The following AKAP6 variants were observed in gnomAD, a reference collection of about 807,000 sequenced individuals.
AKAP6 encodes the protein A-kinase anchor protein 6.
Under a neutral mutation model 188.5 loss-of-function variants are expected in AKAP6, and 58 were observed. That is an observed-to-expected ratio of 0.31 (90% CI 0.25 to 0.38). The LOEUF (loss-of-function observed/expected upper bound fraction) is 0.38. AKAP6 is among the 10% of genes least tolerant of loss of function. The pLI is 1.00. For missense variants in AKAP6, 2,710 were observed against 2,740.0 expected, an observed-to-expected ratio of 0.99 and a Z score of 0.24; for synonymous variants, 989 against 998.6, an observed-to-expected ratio of 0.99 and a Z score of 0.18.
chr14:32,628,087 A>G (rs1887101260), intron 7 of AKAP6: 1 of 152,110 alleles, frequency 6.6e-6, no homozygotes, highest in Admixed American at 6.6e-5. Context: ...AAGAATGGAG[A>G]TAACAGAAGT....
chr14:32,564,202 A>G (rs140883711), intron 4 of AKAP6, among the ~76,000 whole-genome samples: 2 of 152,370 alleles, frequency 1.3e-5, no homozygotes, highest in Admixed American at 1.3e-4. Context: ...ATACATGTTT[A>G]GTACAGATGT....
At chr14:32,797,641 G>A (rs552401514) in intron 12 of AKAP6, among the ~76,000 whole-genome samples, 221 of 151,802 alleles carry the variant, frequency 1.5e-3, no homozygotes, top group African/African-American at 5.1e-3. Flanking sequence ...AGAGGAGAGG[G>A]AGAGCATCAG....
chr14:32,618,793 A>G (rs916826288), intron 7 of AKAP6, among the ~76,000 whole-genome samples: 3 of 152,206 alleles, frequency 2.0e-5, no homozygotes, highest in Non-Finnish European at 2.9e-5. Flanking sequence ...CAGGGATTGT[A>G]CTAAATTACA....
intron 1 of AKAP6, among the ~76,000 whole-genome samples, chr14:32,390,778 G>A (rs1888687355): frequency 6.6e-6 from 1 of 152,110 alleles, no homozygotes; most frequent in Non-Finnish European, 1.5e-5. Context: ...GCAATGTGTT[G>A]CCTTCAGGGG....
chr14:32,571,176 G>A (rs1297811925), intron 4 of AKAP6, among the ~76,000 whole-genome samples: 1 of 151,944 alleles, frequency 6.6e-6, no homozygotes, highest in Non-Finnish European at 1.5e-5. Flanking sequence ...GTCCAGATGA[G>A]AGCATAATAG....
intron 2 of AKAP6, among the ~76,000 whole-genome samples, chr14:32,444,054 C>T (rs1289451873): frequency 1.3e-5 from 2 of 152,030 alleles, no homozygotes; most frequent in Non-Finnish European, 2.9e-5. Context: ...TATGAAAGAC[C>T]ACAAAAATTT....
Position 32,773,760 on chromosome 14 carries a change from A to G in AKAP6, c.3455A>G (p.Glu1152Gly). Residue 1152 changes from glutamate to glycine, a missense_variant, in exon 12 of 14, where the codon GAG becomes GGG. By Grantham distance (98) the Glu-to-Gly change is moderately conservative. Around this residue, in one of 2 missense-constraint regions of AKAP6, gnomAD observed 2,473 missense variants for 2,426.1 expected, o/e 1.02. Transcript: ENST00000280979. ...TGCCAGCATCTTTTGGATGACCGGG[A>G]GACTTGCAATCTGAATGCAGACCAC... Reference protein sequence around the residue: ...RLCQHLLDDRETCNLNADHQP... With the variant: ...RLCQHLLDDRGTCNLNADHQP... The G allele has an allele frequency of 6.2e-7, 1 of 1,614,118 alleles. No individual in the cohort carries two copies. Among genetic ancestry groups the G allele is most frequent in the Non-Finnish European group, 8.5e-7 (1 of 1,179,982 alleles).
chr14:32,789,551 C>A (rs1423016201), intron 12 of AKAP6, among the ~76,000 whole-genome samples: 1 of 152,170 alleles, frequency 6.6e-6, no homozygotes. Context: ...TGTTTCACAG[C>A]CTTCACTGGT....
chr14:32,453,376 C>T (rs10141958), intron 2 of AKAP6, among the ~76,000 whole-genome samples: 3 of 151,856 alleles, frequency 2.0e-5, no homozygotes, highest in Non-Finnish European at 4.4e-5. Context: ...GATATAGTCA[C>T]GAGGTGGCGG....
In AKAP6 at chr14:32,821,623, A is replaced by T. The variant is rs192517308; in HGVS notation, c.3810A>T (p.Gly1270=). The part of the protein sequence containing the change: ...GYDEEADNHG[G]SQYASNITAP... Reference sequence around the variant, plus strand: ...ACGAGGAGGCTGATAACCATGGGGGATCTCAGTATGCCTCAAATATTACTG... The same window carrying T: ...ACGAGGAGGCTGATAACCATGGGGGTTCTCAGTATGCCTCAAATATTACTG... The change falls in exon 13 of 14, where the codon GGA becomes GGT. Residue 1270 remains glycine, a synonymous_variant. Coordinates refer to ENST00000280979, the MANE Select transcript of AKAP6 (RefSeq NM_004274.5). The T allele has an allele frequency of 6.2e-7, 1 of 1,613,712 alleles. No individual in the cohort carries two copies. Among genetic ancestry groups the T allele is most frequent in the East Asian group, 2.2e-5 (1 of 44,852 alleles).
intron 1 of AKAP6, among the ~76,000 whole-genome samples, chr14:32,424,236 G>T (rs1889954733): frequency 6.6e-6 from 1 of 152,060 alleles, no homozygotes. Flanking sequence ...CTCCCTGAAA[G>T]ATTTATTCCA....
At chr14:32,433,178 T>C in intron 1 of AKAP6, 1 of 283,894 alleles carries the variant, frequency 3.5e-6, no homozygotes, top group Non-Finnish European at 6.6e-6. Context: ...TATGAACAGC[T>C]AAAAACCAGG....
chr14:32,595,113 T>G (rs1268743400), intron 5 of AKAP6, among the ~76,000 whole-genome samples: 1 of 152,190 alleles, frequency 6.6e-6, no homozygotes, highest in African/African-American at 2.4e-5. Flanking sequence ...TGGCCTGTAT[T>G]ACCACAGCAG....
At chr14:32,403,859 TCAC>T (rs904837025) in intron 1 of AKAP6, among the ~76,000 whole-genome samples, 6 of 152,224 alleles carry the variant, frequency 3.9e-5, no homozygotes, top group African/African-American at 1.2e-4. Context: ...GCAGCCCTTC[TCAC>T]CACCAAATTC....
rs189172133 is a variant in AKAP6 at position 32,772,433 on chromosome 14, T to C, written c.3373-1245T>C. 7.2e-5 allele frequency among the ~76,000 whole-genome samples: 11 copies of C among 152,320 alleles called. No homozygotes were observed. The East Asian group carries it at 1.9e-3, about 27-fold the overall frequency. On this transcript the variant is annotated intron_variant, in intron 11 of 13. Coordinates refer to ENST00000280979, the MANE Select transcript of AKAP6 (RefSeq NM_004274.5). Reference sequence around the variant, plus strand: ...TTTGCCATAAATAGAGGTTTGGGAATTTGTCATTCACCTTATTTAAAATTC... The same window carrying C: ...TTTGCCATAAATAGAGGTTTGGGAACTTGTCATTCACCTTATTTAAAATTC...
chr14:32,598,110 G>A (rs11851213), intron 5 of AKAP6, among the ~76,000 whole-genome samples: 18 of 152,142 alleles, frequency 1.2e-4, no homozygotes, highest in African/African-American at 4.3e-4. Context: ...ATGAATGAAT[G>A]AATACATGAT....
chr14:32,559,715 T>C (rs751824964), intron 4 of AKAP6, among the ~76,000 whole-genome samples: 1 of 151,874 alleles, frequency 6.6e-6, no homozygotes, highest in African/African-American at 2.4e-5. Flanking sequence ...TGGGGTTGGG[T>C]ATTTTTTAAG....
At chr14:32,333,223 T>A (rs1416940426) in intron 1 of AKAP6, among the ~76,000 whole-genome samples, 1 of 152,056 alleles carries the variant, frequency 6.6e-6, no homozygotes, top group Non-Finnish European at 1.5e-5. Context: ...AGGAGTTAGG[T>A]TCCAATTAGG....
At chr14:32,389,481 T>C (rs1475247954) in intron 1 of AKAP6, among the ~76,000 whole-genome samples, 1 of 152,140 alleles carries the variant, frequency 6.6e-6, no homozygotes, top group Non-Finnish European at 1.5e-5. Flanking sequence ...TTTTGCTGTG[T>C]TTCCAGGATT....
Sources: gnomAD v4.1 joint callset for allele counts (sites outside exome capture counted in the v4.1 genomes callset) on GRCh38, gnomAD v4.1.1 for gene constraint, gnomAD v4.1.1 regional missense constraint, MANE v1.5 for transcripts, NCBI Gene and HGNC (gene_info 2026-07-23, HGNC 2026-07-21) for gene names.